DENND1A: variants seen among roughly 807,000 people sequenced by gnomAD.
DENND1A encodes the protein DENN domain-containing protein 1A.
DENND1A carries 51 observed loss-of-function variants against 113.7 expected under a neutral mutation model. The observed-to-expected ratio is 0.45, with a 90% CI of 0.36 to 0.57. The LOEUF is 0.57. Among genes scored for constraint, DENND1A ranks in the 20% least tolerant of loss-of-function variants. The probability of loss-of-function intolerance (pLI) is 0.00; values close to 1 mark genes in which losing one functional copy is unlikely to be tolerated. For missense variants in DENND1A, 1,258 were observed against 1,395.9 expected, an observed-to-expected ratio of 0.90 and a Z score of 1.57; for synonymous variants, 565 against 570.8, an observed-to-expected ratio of 0.99 and a Z score of 0.14.
At chr9:123,913,139 C>T (rs1385500077) in intron 1 of DENND1A, among the ~76,000 whole-genome samples, 2 of 134,052 alleles carry the variant, frequency 1.5e-5, no homozygotes, top group African/African-American at 5.5e-5. Context: ...AAAAAAAAAA[C>T]CTTCAAAGTT....
intron 5 of DENND1A, among the ~76,000 whole-genome samples, chr9:123,729,606 G>C (rs369719610): frequency 6.6e-6 from 1 of 152,100 alleles, no homozygotes; most frequent in Non-Finnish European, 1.5e-5. Context: ...AAGGAAATAA[G>C]AGAGGACACA....
chr9:123,755,305 CTT>C (rs1166015977), intron 5 of DENND1A, among the ~76,000 whole-genome samples: 4 of 149,830 alleles, frequency 2.7e-5, no homozygotes, highest in Non-Finnish European at 4.4e-5. Flanking sequence ...TATTTTCTTT[CTT>C]TCTTTTTTTT....
At chr9:123,492,872 G>C (rs1012321633) in intron 13 of DENND1A, 1 of 152,324 alleles carries the variant, frequency 6.6e-6, no homozygotes, top group East Asian at 1.9e-4. Context: ...CTGGTAATAG[G>C]AGGGAAATGG....
intron 14 of DENND1A, 137 bp from the exon 15 acceptor site, chr9:123,457,572 A>G (rs765590992): frequency 8.8e-6 from 7 of 799,706 alleles, no homozygotes; most frequent in Non-Finnish European, 1.4e-5. Context: ...TTTCTAAAAT[A>G]CCGGCTGCAT....
At chr9:123,708,887 G>T (rs1016411306) in intron 5 of DENND1A, among the ~76,000 whole-genome samples, 2 of 152,182 alleles carry the variant, frequency 1.3e-5, no homozygotes, top group African/African-American at 2.4e-5. Context: ...TCTTCAGGAG[G>T]TCATTGGCTT....
At chr9:123,576,785 C>T (rs1227917255) in intron 12 of DENND1A, among the ~76,000 whole-genome samples, 1 of 152,180 alleles carries the variant, frequency 6.6e-6, no homozygotes, top group Non-Finnish European at 1.5e-5. Flanking sequence ...ATATAGAATT[C>T]TGGGTTGATA....
chr9:123,494,455 T>C (rs2051679041), intron 13 of DENND1A, among the ~76,000 whole-genome samples: 1 of 152,178 alleles, frequency 6.6e-6, no homozygotes, highest in East Asian at 1.9e-4. Flanking sequence ...TTTTAAGGGA[T>C]AGACCTAGGA....
At chr9:123,706,380 G>A (rs538099117) in intron 5 of DENND1A, among the ~76,000 whole-genome samples, 1 of 151,862 alleles carries the variant, frequency 6.6e-6, no homozygotes, top group East Asian at 2.0e-4. Context: ...TCAAATTCCT[G>A]ACCTCATGAT....
At chr9:123,830,889 A>C (rs1018464797) in intron 2 of DENND1A, among the ~76,000 whole-genome samples, 1 of 150,190 alleles carries the variant, frequency 6.7e-6, no homozygotes, top group Non-Finnish European at 1.5e-5. Flanking sequence ...AAAAAAAAAA[A>C]AAAAAAAAAA....
rs1014834578 is a variant in DENND1A, at chr9:123,928,541, C to T, written c.17+1348G>A. On this transcript the variant is annotated intron_variant, in intron 1 of 23. Coordinates refer to ENST00000394215, the MANE Select transcript of DENND1A (RefSeq NM_001352964.2). ...CATGCTTCTAACTTTTTTCTCATTT[C>T]CACAAAAATAAAGATTTAACAGAGT... 3.0e-6 allele frequency: 3 copies of T among 984,634 alleles called. No individual in the cohort carries two copies. The African/African-American group carries it at 5.2e-5, about 17-fold the overall frequency. 61.0% of individuals were successfully genotyped at this position (984,634 alleles called of 1,614,324 possible).
intron 13 of DENND1A, among the ~76,000 whole-genome samples, chr9:123,461,347 T>C (rs950452634): frequency 6.6e-6 from 1 of 152,172 alleles, no homozygotes; most frequent in African/African-American, 2.4e-5. Context: ...CAGCCCCTAA[T>C]CAGAAGCTCA....
chr9:123,840,622 C>T (rs540933005), intron 2 of DENND1A, among the ~76,000 whole-genome samples: 1 of 152,310 alleles, frequency 6.6e-6, no homozygotes, highest in South Asian at 2.1e-4. Flanking sequence ...CACTCTGTCC[C>T]CAAGGGCCTA....
intron 1 of DENND1A, among the ~76,000 whole-genome samples, chr9:123,929,506 C>T (rs996989901): frequency 3.3e-5 from 5 of 152,220 alleles, no homozygotes; most frequent in African/African-American, 1.2e-4. Flanking sequence ...CCGGACCTGC[C>T]AACTTTCAGG....
chr9:123,648,570 A>C (rs1321149102), intron 9 of DENND1A, among the ~76,000 whole-genome samples: 3 of 152,068 alleles, frequency 2.0e-5, no homozygotes, highest in South Asian at 2.1e-4. Flanking sequence ...ATTTTCTGTC[A>C]GTTTTTTTAT....
chr9:123,922,675 A>G (rs1856466362), intron 1 of DENND1A, among the ~76,000 whole-genome samples: 1 of 152,082 alleles, frequency 6.6e-6, no homozygotes, highest in Non-Finnish European at 1.5e-5. Flanking sequence ...TTATCCTTAT[A>G]TCCTGTATTT....
At chr9:123,839,623 T>C (rs1841538322) in intron 2 of DENND1A, among the ~76,000 whole-genome samples, 5 of 152,346 alleles carry the variant, frequency 3.3e-5, no homozygotes, top group Admixed American at 3.3e-4. Context: ...TATCATCTAA[T>C]AATAATTAAG....
At chr9:123,394,810 T>C (rs1193306279) in intron 21 of DENND1A, among the ~76,000 whole-genome samples, 2 of 152,228 alleles carry the variant, frequency 1.3e-5, no homozygotes, top group East Asian at 3.9e-4. Flanking sequence ...GAAGAGGCAC[T>C]GTGCAGAACA....
intron 8 of DENND1A, among the ~76,000 whole-genome samples, chr9:123,653,925 G>C (rs1454866742): frequency 6.6e-6 from 1 of 151,478 alleles, no homozygotes; most frequent in Non-Finnish European, 1.5e-5. Flanking sequence ...GGAGGCTCAG[G>C]AAGTCTCAGT....
chr9:123,418,672 G>A (rs578247558), intron 19 of DENND1A, among the ~76,000 whole-genome samples: 2 of 152,336 alleles, frequency 1.3e-5, no homozygotes, highest in African/African-American at 4.8e-5. Context: ...GCAGAGCCAA[G>A]GCACTTTCTG....
Sources: gnomAD v4.1 joint callset for allele counts (sites outside exome capture counted in the v4.1 genomes callset) on GRCh38, gnomAD v4.1.1 for gene constraint, MANE v1.5 for transcripts, NCBI Gene and HGNC (gene_info 2026-07-23, HGNC 2026-07-21) for gene names.